USP48: variants seen among roughly 807,000 people sequenced by gnomAD.
USP48 encodes the protein ubiquitin carboxyl-terminal hydrolase 48.
A neutral mutation model predicts 150.7 loss-of-function variants in USP48; 43 were observed. That is an observed-to-expected ratio of 0.29 (90% CI 0.22 to 0.37). USP48 has a LOEUF of 0.37. USP48 is among the 10% of genes least tolerant of loss of function. The pLI, the probability that USP48 is intolerant of heterozygous loss-of-function variation, is 1.00. For missense variants in USP48, 813 were observed against 1,249.6 expected (o/e 0.65, Z 5.27); for synonymous variants, 396 against 425.9 (o/e 0.93, Z 0.86).
chr1:21,735,885 G>A (rs1206151942), intron 9 of USP48, among the ~76,000 whole-genome samples: 6 of 124,408 alleles, frequency 4.8e-5, no homozygotes, highest in Non-Finnish European at 1.0e-4. Flanking sequence ...AACAAGAGCG[G>A]AAAAAAAAAA....
chr1:21,739,605 T>C (rs1216435601), intron 8 of USP48, among the ~76,000 whole-genome samples: 1 of 151,742 alleles, frequency 6.6e-6, no homozygotes, highest in East Asian at 1.9e-4. Flanking sequence ...GTTTACATCA[T>C]GGAATGATTA....
chr1:21,753,740 T>C (rs567518174), intron 3 of USP48, among the ~76,000 whole-genome samples: 1 of 143,124 alleles, frequency 7.0e-6, no homozygotes, highest in Non-Finnish European at 1.5e-5. Context: ...GGTTCAAGGA[T>C]AGCTTGAACC....
At chr1:21,763,983 T>C (rs2097855991) in intron 1 of USP48, among the ~76,000 whole-genome samples, 1 of 152,232 alleles carries the variant, frequency 6.6e-6, no homozygotes, top group African/African-American at 2.4e-5. Flanking sequence ...CATTCTCCAA[T>C]GCCCCTAACT....
At chr1:21,736,690 G>C (rs2097769529) in intron 8 of USP48, 65 bp from the exon 9 acceptor site, 8 of 1,283,212 alleles carry the variant, frequency 6.2e-6, no homozygotes, top group Non-Finnish European at 7.1e-6. Flanking sequence ...TCCTGAGCCT[G>C]AATTGTAATG....
chr1:21,700,263 A>G (rs1162362390), intron 22 of USP48, among the ~76,000 whole-genome samples: 1 of 152,110 alleles, frequency 6.6e-6, no homozygotes, highest in Admixed American at 6.5e-5. Context: ...GGGAAGGACA[A>G]CTTAAAGAGT....
At chr1:21,763,144 C>T (rs976463444) in intron 1 of USP48, among the ~76,000 whole-genome samples, 3 of 152,162 alleles carry the variant, frequency 2.0e-5, no homozygotes, top group African/African-American at 7.2e-5. Context: ...CTTTCAAAAG[C>T]TACTATGAGA....
intron 8 of USP48, among the ~76,000 whole-genome samples, chr1:21,745,790 G>A (rs1025756294): frequency 6.6e-6 from 1 of 152,164 alleles, no homozygotes; most frequent in African/African-American, 2.4e-5. Flanking sequence ...TCTGGACTGG[G>A]AAGCCACTAA....
At position 21,757,679 on chromosome 1, in the gene USP48, C is replaced by T. The variant is rs1435315918; in HGVS notation, c.239G>A (p.Cys80Tyr). Reference protein sequence around the residue: ...NSFHNIDDPNCERRKKNSFVG... With the variant: ...NSFHNIDDPNYERRKKNSFVG... ...ATGGTTTACCTTTTTTCTCCTCTCA[C>T]AGTTGGGATCATCGATGTTATGAAA... is the stretch of plus-strand genomic sequence containing the variant. The change falls in exon 2 of 27, where the codon TGT becomes TAT. Residue 80 changes from cysteine (C) to tyrosine (Y), a missense_variant. By Grantham distance (194) the Cys-to-Tyr change is radical (BLOSUM62 -2). Transcript: ENST00000308271. 3 of 1,612,210 alleles carry T rather than the reference C, an allele frequency of 1.9e-6. No individual in the cohort carries two copies. The highest frequency in any genetic ancestry group is 2.5e-6 in the Non-Finnish European group (3 of 1,179,442).
rs1259905447 is a variant in USP48 at position 21,752,667 on chromosome 1, A to C, written c.541-16T>G. Reference sequence around the variant, plus strand: ...CTTGAGCATCCTACAAGTTTAGGTTAATGAAAAGAAAAATCATATCTTGCT... The same window carrying C: ...CTTGAGCATCCTACAAGTTTAGGTTCATGAAAAGAAAAATCATATCTTGCT... On this transcript the variant is annotated splice_polypyrimidine_tract_variant and intron_variant, in intron 4 of 26. Coordinates refer to ENST00000308271, the MANE Select transcript of USP48 (RefSeq NM_032236.8). The C allele has an allele frequency of 1.9e-5, 30 of 1,575,592 alleles. No homozygotes were observed. The highest frequency in any genetic ancestry group is 2.4e-5 in the Non-Finnish European group (28 of 1,167,400).
chr1:21,697,132 T>C (rs1446923857), intron 22 of USP48, among the ~76,000 whole-genome samples: 1 of 152,100 alleles, frequency 6.6e-6, no homozygotes, highest in Non-Finnish European at 1.5e-5. Flanking sequence ...TCATTACTCA[T>C]GGGCTCCACA....
chr1:21,718,050 G>A (rs1437053703), intron 14 of USP48, among the ~76,000 whole-genome samples: 1 of 152,228 alleles, frequency 6.6e-6, no homozygotes, highest in Non-Finnish European at 1.5e-5. Flanking sequence ...TTACCAATAT[G>A]TGTCAGTATG....
rs375011841 is a variant in USP48 at position 21,724,078 on chromosome 1, A to G, written c.1468T>C (p.Ser490Pro). ...AACCACTTTTGCAGCCATTCCAGAGAGACAAACTCATAGGGCTCTGAGAAA... is the reference window on the plus strand; with the variant it reads ...AACCACTTTTGCAGCCATTCCAGAGGGACAAACTCATAGGGCTCTGAGAAA... ...PAGAEPYEFV[S>P]LEWLQKWLDE... Residue 490 changes from serine (S) to proline (P), a missense_variant, in exon 12 of 27, where the codon TCT becomes CCT. Transcript: ENST00000308271. 2.5e-6 allele frequency: 4 copies of G among 1,614,076 alleles called. No individual in the cohort carries two copies. Among genetic ancestry groups the G allele is most frequent in the Non-Finnish European group, 3.4e-6 (4 of 1,180,034 alleles).
intron 8 of USP48, among the ~76,000 whole-genome samples, chr1:21,740,580 T>C (rs1259379831): frequency 1.3e-5 from 2 of 152,206 alleles, no homozygotes; most frequent in African/African-American, 4.8e-5. Context: ...AGCCAAGAGT[T>C]TTGTTTGATG....
At chr1:21,753,823 T>TTAA (rs1248662013) in intron 3 of USP48, among the ~76,000 whole-genome samples, 12 of 86,638 alleles carry the variant, frequency 1.4e-4, no homozygotes, top group Admixed American at 2.9e-4. Context: ...CGAGACTCTT[T>TTAA]AAAAAAAAAA....
chr1:21,688,581 A>C (rs2097585917), intron 24 of USP48, among the ~76,000 whole-genome samples: 1 of 151,294 alleles, frequency 6.6e-6, no homozygotes. Context: ...AGTGGCTCAC[A>C]CCTGTAATCC....
chr1:21,738,193 G>C (rs1176930547), intron 8 of USP48, among the ~76,000 whole-genome samples: 2 of 151,404 alleles, frequency 1.3e-5, no homozygotes, highest in Non-Finnish European at 2.9e-5. Flanking sequence ...AAGCAGCTGG[G>C]GTTACAGGCA....
At chr1:21,692,307 T>A (rs1381285958) in intron 23 of USP48, among the ~76,000 whole-genome samples, 1 of 151,946 alleles carries the variant, frequency 6.6e-6, no homozygotes, top group Non-Finnish European at 1.5e-5. Flanking sequence ...CCAAGCCAGC[T>A]CAGCATGCAA....
intron 24 of USP48, among the ~76,000 whole-genome samples, chr1:21,689,443 G>A (rs2097590815): frequency 6.6e-6 from 1 of 151,812 alleles, no homozygotes; most frequent in African/African-American, 2.4e-5. Context: ...GTGCTCAGAG[G>A]GCCACAACCC....
chr1:21,759,559 C>G (rs2097845310), intron 1 of USP48, among the ~76,000 whole-genome samples: 1 of 152,152 alleles, frequency 6.6e-6, no homozygotes, highest in Non-Finnish European at 1.5e-5. Flanking sequence ...AGAAAACGAA[C>G]CTACATCTTA....
Sources: gnomAD v4.1 joint callset for allele counts (sites outside exome capture counted in the v4.1 genomes callset) on GRCh38, gnomAD v4.1.1 for gene constraint, MANE v1.5 for transcripts, NCBI Gene and HGNC (gene_info 2026-07-23, HGNC 2026-07-21) for gene names.